The following EDN1 variants were observed in gnomAD, a reference collection of about 807,000 sequenced individuals.
EDN1 encodes endothelin 1.
In EDN1, 11 loss-of-function variants were observed where a neutral mutation model predicts 21.7. The observed-to-expected ratio is 0.51, with a 90% CI of 0.32 to 0.84. EDN1 has a LOEUF of 0.84. Ranked by LOEUF, EDN1 falls within the 40% of genes least tolerant of loss-of-function variation. The pLI is 0.03. For synonymous variants in EDN1, 85 were observed against 90.6 expected (o/e 0.94, Z 0.35); for missense variants, 244 against 262.3 (o/e 0.93, Z 0.48).
chr6:12,285,111 C>A, the EDN1 span, among the ~76,000 whole-genome samples: 1 of 151,956 alleles, frequency 6.6e-6, no homozygotes. Flanking sequence ...CAATAATATC[C>A]TAATATAATT....
the EDN1 span, among the ~76,000 whole-genome samples, chr6:12,270,201 G>T: frequency 6.6e-6 from 1 of 151,856 alleles, no homozygotes; most frequent in Non-Finnish European, 1.5e-5. Flanking sequence ...GCTAAAGATT[G>T]GTTGATTTTG....
At chr6:12,287,760 G>A (rs1484437905), upstream of EDN1, among the ~76,000 whole-genome samples, 3 of 147,252 alleles carry the variant, frequency 2.0e-5, no homozygotes, top group Admixed American at 6.8e-5. Flanking sequence ...ACACAGGCGC[G>A]CGCGCGCGCG....
chr6:12,290,296 G>A (rs914547136), upstream of EDN1: 2 of 340,388 alleles, frequency 5.9e-6, no homozygotes, highest in African/African-American at 2.1e-5. Flanking sequence ...GAATAAAGTC[G>A]GAGCTGTTTA....
chr6:12,235,310 T>G, the EDN1 span, among the ~76,000 whole-genome samples: 14 of 152,182 alleles, frequency 9.2e-5, no homozygotes, highest in Admixed American at 7.9e-4. Flanking sequence ...CTTCCTATTC[T>G]CCACTGAATC....
intron 4 of EDN1, among the ~76,000 whole-genome samples, chr6:12,295,166 C>T (rs904023548): frequency 6.6e-6 from 1 of 152,056 alleles, no homozygotes; most frequent in African/African-American, 2.4e-5. Context: ...CTGCATTTTT[C>T]TATCATGGTC....
chr6:12,247,375 C>T, the EDN1 span, among the ~76,000 whole-genome samples: 239 of 152,160 alleles, frequency 1.6e-3, 3 homozygotes, highest in African/African-American at 5.6e-3. Flanking sequence ...TGGAATGATA[C>T]AGATGATGGC....
chr6:12,290,579 T>C lies in EDN1; in HGVS notation c.-51T>C, dbSNP rs746653416. 2 of 1,536,078 alleles carry C rather than the reference T, an allele frequency of 1.3e-6. No homozygotes were observed. The highest frequency in any genetic ancestry group is 1.8e-6 in the Non-Finnish European group (2 of 1,109,256). On this transcript the variant is annotated 5_prime_UTR_variant, in exon 1 of 5. Transcript: ENST00000379375. ...GGGACCTGAAGCTGTTTTTCTTCGT[T>C]TTCCTTTGGGTTCAGTTTGAACGGG...
chr6:12,232,305 A>G, the EDN1 span, among the ~76,000 whole-genome samples: 1 of 151,036 alleles, frequency 6.6e-6, no homozygotes, highest in Non-Finnish European at 1.5e-5. Flanking sequence ...CTACCAATAC[A>G]TATATCTGAT....
At chr6:12,238,837 T>G in the EDN1 span, among the ~76,000 whole-genome samples, 1 of 152,122 alleles carries the variant, frequency 6.6e-6, no homozygotes, top group African/African-American at 2.4e-5. Flanking sequence ...AATTTCCCAG[T>G]GAAGATGAAT....
At chr6:12,266,906 C>CT in the EDN1 span, among the ~76,000 whole-genome samples, 1 of 152,064 alleles carries the variant, frequency 6.6e-6, no homozygotes, top group African/African-American at 2.4e-5. Flanking sequence ...CTTAAAAATT[C>CT]TTTTTTGTTA....
the EDN1 span, among the ~76,000 whole-genome samples, chr6:12,280,516 A>G: frequency 6.6e-6 from 1 of 152,188 alleles, no homozygotes; most frequent in Non-Finnish European, 1.5e-5. Context: ...TACCTTCTTA[A>G]GACACTTTAG....
chr6:12,235,744 G>A, the EDN1 span, among the ~76,000 whole-genome samples: 1 of 152,230 alleles, frequency 6.6e-6, no homozygotes, highest in African/African-American at 2.4e-5. Context: ...GCTCTGCAGT[G>A]GCCATAGGTG....
At chr6:12,278,344 G>A in the EDN1 span, among the ~76,000 whole-genome samples, 1 of 151,980 alleles carries the variant, frequency 6.6e-6, no homozygotes, top group Non-Finnish European at 1.5e-5. Context: ...CCTTCCTCAA[G>A]CCACTAGATA....
the EDN1 span, among the ~76,000 whole-genome samples, chr6:12,238,833 C>T: frequency 6.6e-6 from 1 of 152,104 alleles, no homozygotes; most frequent in Non-Finnish European, 1.5e-5. Flanking sequence ...TCCCAATTTC[C>T]CAGTGAAGAT....
chr6:12,237,260 C>T, the EDN1 span, among the ~76,000 whole-genome samples: 1 of 152,012 alleles, frequency 6.6e-6, no homozygotes, highest in Non-Finnish European at 1.5e-5. Context: ...CAAGTCTTTG[C>T]TATTGTGAAT....
At chr6:12,265,544 C>T in the EDN1 span, among the ~76,000 whole-genome samples, 6 of 152,266 alleles carry the variant, frequency 3.9e-5, no homozygotes, top group South Asian at 1.2e-3. Flanking sequence ...AGTTGGTGGC[C>T]TTCTACAAGC....
the EDN1 span, among the ~76,000 whole-genome samples, chr6:12,231,100 A>G: frequency 1.3e-5 from 2 of 152,340 alleles, no homozygotes; most frequent in Non-Finnish European, 1.5e-5. Flanking sequence ...TAAAAAATAG[A>G]TTTATAACCA....
the EDN1 span, among the ~76,000 whole-genome samples, chr6:12,237,168 T>TA: frequency 6.6e-6 from 1 of 152,126 alleles, no homozygotes; most frequent in Non-Finnish European, 1.5e-5. Context: ...TCATCCTTTT[T>TA]ATGGCTGCAT....
intron 2 of EDN1, among the ~76,000 whole-genome samples, chr6:12,292,988 G>A (rs1476046): frequency 0.22 from 34,176 of 152,158 alleles, 3,958 homozygotes; most frequent in South Asian, 0.41. Context: ...ATTTGTGCAG[G>A]AGTGAGTTTG....
Sources: allele counts gnomAD v4.1 joint callset (sites outside exome capture counted in the v4.1 genomes callset), GRCh38; gene constraint gnomAD v4.1.1; transcripts MANE v1.5; gene names NCBI Gene and HGNC (gene_info 2026-07-23, HGNC 2026-07-21).